The following EMG1 variants were observed in gnomAD, a reference collection of about 807,000 sequenced individuals.
The protein encoded by EMG1 is EMG1 N1-specific pseudouridine methyltransferase.
A neutral mutation model predicts 26.9 loss-of-function variants in EMG1; 24 were observed. That is an observed-to-expected ratio of 0.89 (90% CI 0.65 to 1.26). EMG1 has a LOEUF of 1.26. EMG1 is among the 50% of genes most tolerant of loss of function. The pLI is 0.00. For synonymous variants in EMG1, 140 were observed against 112.6 expected, an observed-to-expected ratio of 1.24 and a Z score of -1.54; for missense variants, 299 against 307.6, an observed-to-expected ratio of 0.97 and a Z score of 0.21.
At chr12:6,983,368 G>T, downstream of EMG1, 2 of 1,090,396 alleles carry the variant, frequency 1.8e-6, no homozygotes, top group Non-Finnish European at 2.8e-6. Flanking sequence ...AGGAAATTTT[G>T]TTCAAGTCTG....
Position 6,975,897 on chromosome 12 carries a change from C to G in EMG1, c.*88C>G, listed in dbSNP as rs1271925835. The G allele has an allele frequency of 8.7e-6, 7 of 803,362 alleles. No homozygotes were observed. Among genetic ancestry groups the G allele is most frequent in the Non-Finnish European group, 1.5e-5 (7 of 461,892 alleles). The allele number at this position is 803,362 out of a possible 1,614,324, so 49.8% of individuals were successfully genotyped here. A position where few individuals can be genotyped will look rare whatever the true frequency, so the allele number is the denominator to read the frequency against. ...AGCTGACTGCTGGAAGATGATCTTT[C>G]TGCACTGAGACTGTGGAGTTTGGGG... On this transcript the variant is annotated 3_prime_UTR_variant, in exon 6 of 6. Transcript: ENST00000599672.
At chr12:6,993,587 G>A (rs1946608652) in intron 7 of EMG1, among the ~76,000 whole-genome samples, 1 of 152,108 alleles carries the variant, frequency 6.6e-6, no homozygotes, top group South Asian at 2.1e-4. Flanking sequence ...TCTACTTTAT[G>A]TCTCTATAGA....
downstream of EMG1, among the ~76,000 whole-genome samples, chr12:6,990,401 C>T (rs868971727): frequency 1.1e-3 from 167 of 146,102 alleles, 3 homozygotes; most frequent in South Asian, 0.03. Flanking sequence ...CCCAGCTACT[C>T]GGGAGGCTGA....
rs782005649 is a variant in EMG1, at chr12:6,987,304, G to A, written c.*155-478G>A. 1.3e-5 allele frequency among the ~76,000 whole-genome samples: 2 copies of A among 152,272 alleles called. No homozygotes were observed. Among genetic ancestry groups the A allele is most frequent in the African/African-American group, 4.8e-5 (2 of 41,556 alleles). On this transcript the variant is annotated intron_variant and NMD_transcript_variant, in intron 6 of 7. Transcript: ENST00000261406. The surrounding 1 kb of genome is among the most constrained non-coding windows in gnomAD (Gnocchi z 4.1). ...GCCAGGTATTCTGTTTATGAAGCACGTAATTGGGTAGGAGGTGGCATGTGA... is the reference window on the plus strand; with the variant it reads ...GCCAGGTATTCTGTTTATGAAGCACATAATTGGGTAGGAGGTGGCATGTGA...
chr12:6,985,320 C>T (rs1012558088), intron 6 of EMG1, among the ~76,000 whole-genome samples: 45 of 149,624 alleles, frequency 3.0e-4, no homozygotes, highest in Non-Finnish European at 5.0e-4. Flanking sequence ...GGCATGAACA[C>T]GGGAGGCGGA....
intron 1 of EMG1, among the ~76,000 whole-genome samples, chr12:6,973,279 C>T (rs1946354558): frequency 6.6e-6 from 1 of 152,154 alleles, no homozygotes. Flanking sequence ...GCCATCCTCC[C>T]ACCTTAGCCT....
At chr12:6,980,301 C>A (rs1474481575), downstream of EMG1, among the ~76,000 whole-genome samples, 1 of 151,978 alleles carries the variant, frequency 6.6e-6, no homozygotes, top group Non-Finnish European at 1.5e-5. Context: ...CCTTGGCCTC[C>A]CAGAGCGTTG....
chr12:6,987,303 C>T lies in EMG1; in HGVS notation c.*155-479C>T, dbSNP rs1946538813. ...TGCCAGGTATTCTGTTTATGAAGCA[C>T]GTAATTGGGTAGGAGGTGGCATGTG... is the stretch of plus-strand genomic sequence containing the variant. On this transcript the variant is annotated intron_variant and NMD_transcript_variant, in intron 6 of 7. Transcript: ENST00000261406. The surrounding 1 kb of genome is among the most constrained non-coding windows in gnomAD (Gnocchi z 4.1). Among the ~76,000 whole-genome samples, 1 of 152,064 alleles carries T rather than the reference C, an allele frequency of 6.6e-6. No individual in the cohort carries two copies. The highest frequency in any genetic ancestry group is 6.6e-5 in the Admixed American group (1 of 15,254).
At chr12:6,973,703 C>T (rs897651376) in intron 1 of EMG1, among the ~76,000 whole-genome samples, 28 of 152,138 alleles carry the variant, frequency 1.8e-4, no homozygotes, top group African/African-American at 5.8e-4. Context: ...CCACCATGCC[C>T]GGCTAATTTT....
At position 6,976,273 on chromosome 12, in the gene EMG1, C is replaced by G. The variant is rs113939726; in HGVS notation, c.*464C>G. ...AGGCAGGGCCTTGCACCCCTCTCCACCCCCCCATGGGGGGGGTGGTGGTAG... is the reference window on the plus strand; with the variant it reads ...AGGCAGGGCCTTGCACCCCTCTCCAGCCCCCCATGGGGGGGGTGGTGGTAG... On this transcript the variant is annotated 3_prime_UTR_variant, in exon 6 of 6. Coordinates refer to ENST00000599672, the MANE Select transcript of EMG1 (RefSeq NM_006331.8). The G allele has an allele frequency of 4.7e-4, 72 of 153,674 alleles. No individual in the cohort carries two copies. The highest frequency in any genetic ancestry group is 8.7e-4 in the Non-Finnish European group (60 of 69,080). 9.5% of individuals were successfully genotyped at this position (153,674 alleles called of 1,614,324 possible). A position where few individuals can be genotyped will look rare whatever the true frequency, so the allele number is the denominator to read the frequency against.
intron 1 of EMG1, among the ~76,000 whole-genome samples, chr12:6,973,855 T>G (rs1451956512): frequency 2.0e-5 from 3 of 152,250 alleles, no homozygotes; most frequent in African/African-American, 7.2e-5. Context: ...ACATTTCTTG[T>G]TCAGATTTGC....
At position 6,978,092 on chromosome 12, in the gene EMG1, G is replaced by C. The variant is rs948522601; in HGVS notation, c.*2283G>C. 4.1e-5 allele frequency: 23 copies of C among 565,972 alleles called. No individual in the cohort carries two copies. Among genetic ancestry groups the C allele is most frequent in the Non-Finnish European group, 9.4e-6 (3 of 320,464 alleles). The allele number at this position is 565,972 out of a possible 1,614,324, so 35.1% of individuals were successfully genotyped here. A position where few individuals can be genotyped will look rare whatever the true frequency, so the allele number is the denominator to read the frequency against. On this transcript the variant is annotated 3_prime_UTR_variant, in exon 6 of 6. Transcript: ENST00000599672. ...ATAAACAGGGCAGTGGAGGACATAA[G>C]TCCATTGGCAGAGCTGGAGTAACAC...
Position 6,979,910 on chromosome 12 carries a change from T to C in EMG1, c.*4101T>C. The C allele has an allele frequency of 3.9e-6, 1 of 258,086 alleles. No individual in the cohort carries two copies. The highest frequency in any genetic ancestry group is 7.3e-6 in the Non-Finnish European group (1 of 136,944). 16.0% of individuals were successfully genotyped at this position (258,086 alleles called of 1,614,324 possible). A position where few individuals can be genotyped will look rare whatever the true frequency, so the allele number is the denominator to read the frequency against. ...ATTGGGACTGAAAACCCAGTGGAGG[T>C]AAGATAATAAAAATAACCACTTTGA... On this transcript the variant is annotated 3_prime_UTR_variant, in exon 6 of 6. Transcript: ENST00000599672.
chr12:6,981,376 T>C, downstream of EMG1: 2 of 670,794 alleles, frequency 3.0e-6, no homozygotes, highest in South Asian at 1.9e-5. Flanking sequence ...CTTTAGCAAA[T>C]GCCTTGCTGG....
chr12:6,985,263 G>C (rs1385001527), intron 6 of EMG1, among the ~76,000 whole-genome samples: 3 of 151,986 alleles, frequency 2.0e-5, no homozygotes, highest in Non-Finnish European at 2.9e-5. Context: ...GGGTGTGGTG[G>C]CGGGCGCCTA....
downstream of EMG1, chr12:6,980,999 A>G (rs782113681): frequency 6.3e-7 from 1 of 1,582,562 alleles, no homozygotes; most frequent in African/African-American, 1.4e-5. Flanking sequence ...AAGAGGGGCA[A>G]TTACCTGTTT....
chr12:6,973,276 T>C (rs1555152523), intron 1 of EMG1, among the ~76,000 whole-genome samples: 1 of 152,128 alleles, frequency 6.6e-6, no homozygotes, highest in East Asian at 1.9e-4. Flanking sequence ...CAAGCCATCC[T>C]CCCACCTTAG....
At chr12:6,974,783 A>C in intron 3 of EMG1, 90 bp downstream of exon 3, 1 of 1,402,470 alleles carries the variant, frequency 7.1e-7, no homozygotes, top group Non-Finnish European at 1.0e-6. Flanking sequence ...TGGATTTTTA[A>C]GCGAGAAAAT....
intron 6 of EMG1, among the ~76,000 whole-genome samples, chr12:6,985,276 G>A (rs1591548694): frequency 1.4e-5 from 2 of 147,144 alleles, no homozygotes; most frequent in East Asian, 2.0e-4. Context: ...GGCGCCTATA[G>A]TCCCAGCTAC....
Sources: allele counts gnomAD v4.1 joint callset (sites outside exome capture counted in the v4.1 genomes callset), GRCh38; gene constraint gnomAD v4.1.1; non-coding constraint Gnocchi (gnomAD v3.1); transcripts MANE v1.5; gene names NCBI Gene and HGNC (gene_info 2026-07-23, HGNC 2026-07-21).